Variants in ARID3A observed in about 807,000 individuals in gnomAD.
ARID3A encodes AT-rich interactive domain-containing protein 3A.
Under a neutral mutation model 52.7 loss-of-function variants are expected in ARID3A, and 11 were observed. The ratio of observed to expected loss-of-function variants is 0.21; its 90% confidence interval spans 0.13 to 0.35. The LOEUF is 0.35. Among genes scored for constraint, ARID3A ranks in the 10% least tolerant of loss-of-function variants. ARID3A has a pLI of 1.00. For missense variants in ARID3A, 721 were observed against 838.5 expected, an observed-to-expected ratio of 0.86 and a Z score of 1.73; for synonymous variants, 404 against 359.4, an observed-to-expected ratio of 1.12 and a Z score of -1.40.
chr19:929,363 G>GGGGCCCCC lies in ARID3A; in HGVS notation c.-166_-165insGGGCCCCC. 1 of 259,262 alleles carries GGGGCCCCC rather than the reference G, an allele frequency of 3.9e-6. No individual in the cohort carries two copies. Among genetic ancestry groups the GGGGCCCCC allele is most frequent in the Non-Finnish European group, 6.6e-6 (1 of 151,228 alleles). 16.1% of individuals were successfully genotyped at this position (259,262 alleles called of 1,614,324 possible). A position where few individuals can be genotyped will look rare whatever the true frequency, so the allele number is the denominator to read the frequency against. On this transcript the variant is annotated 5_prime_UTR_variant, in exon 2 of 9. Coordinates refer to ENST00000263620, the MANE Select transcript of ARID3A (RefSeq NM_005224.3). The surrounding 1 kb of genome is among the most constrained non-coding windows in gnomAD (Gnocchi z 6.2). The stretch of plus-strand genomic sequence containing the variant: ...ATCAGCCTTCAGCTTGAGCCCGGCG[G>GGGGCCCCC]CCCCCGCCCCCGCCCCCTGCCACCC...
At position 938,838 on chromosome 19, in the gene ARID3A, G is replaced by A. The variant is rs1244366856; in HGVS notation, c.693+6096G>A. ...GTGAAGCGAGACCCCAGCAAGAAAC[G>A]GGCATCCGGTTTTTGGTCTTTTTTT... On this transcript the variant is annotated intron_variant, in intron 3 of 8. Coordinates refer to ENST00000263620, the MANE Select transcript of ARID3A (RefSeq NM_005224.3). This position sits in a 1 kb window ranked among gnomAD's most constrained non-coding sequence, Gnocchi z 4.0. Among the ~76,000 whole-genome samples, 1 of 152,134 alleles carries A rather than the reference G, an allele frequency of 6.6e-6. No individual in the cohort carries two copies. The highest frequency in any genetic ancestry group is 2.4e-5 in the African/African-American group (1 of 41,430).
At position 970,563 on chromosome 19, in the gene ARID3A, A is replaced by C. The variant is rs113658909; in HGVS notation, c.1595-1315A>C. 3.8e-5 allele frequency among the ~76,000 whole-genome samples: 5 copies of C among 132,320 alleles called. No individual in the cohort carries two copies. In the East Asian group the frequency reaches 1.1e-3, roughly 29 times the overall value. 86.8% of individuals were successfully genotyped at this position (132,320 alleles called of 152,430 possible). A position where few individuals can be genotyped will look rare whatever the true frequency, so the allele number is the denominator to read the frequency against. ...CACTCTGTTGCCCAGGCTGGAGTGC[A>C]ATGGCATGATCTCAGCTCCTGCAAC... On this transcript the variant is annotated intron_variant, in intron 8 of 8. Transcript: ENST00000263620.
intron 3 of ARID3A, among the ~76,000 whole-genome samples, chr19:940,415 G>T (rs1356451126): frequency 3.9e-5 from 6 of 152,042 alleles, no homozygotes; most frequent in Non-Finnish European, 2.9e-5. Flanking sequence ...AGCAGGAGGG[G>T]TGGGCAGAGC....
Position 959,187 on chromosome 19 carries a change from G to A in ARID3A, c.694-905G>A, listed in dbSNP as rs1404893638. On this transcript the variant is annotated intron_variant, in intron 3 of 8. Coordinates refer to ENST00000263620, the MANE Select transcript of ARID3A (RefSeq NM_005224.3). The surrounding 1 kb of genome is among the most constrained non-coding windows in gnomAD (Gnocchi z 5.0). ...CTGGAGCGACGCGGCCACAAGCCCA[G>A]GAACCTGGAGCCCCCAGAAGCCGTG... Among the ~76,000 whole-genome samples the A allele has an allele frequency of 6.6e-6, 1 of 152,220 alleles. No homozygotes were observed. Among genetic ancestry groups the A allele is most frequent in the African/African-American group, 2.4e-5 (1 of 41,458 alleles).
chr19:972,133 A>G lies in ARID3A; in HGVS notation c.*68A>G, dbSNP rs1201969971. On this transcript the variant is annotated 3_prime_UTR_variant, in exon 9 of 9. Coordinates refer to ENST00000263620, the MANE Select transcript of ARID3A (RefSeq NM_005224.3). ...CCTGGGCAGGGGGTCCAGGTGGGCC[A>G]CACAGGGGCCAGGATGGCGGAAGAT... The G allele has an allele frequency of 1.4e-6, 2 of 1,418,582 alleles. No homozygotes were observed. Among genetic ancestry groups the G allele is most frequent in the African/African-American group, 3.0e-5 (2 of 65,604 alleles). The allele number at this position is 1,418,582 out of a possible 1,614,324, so 87.9% of individuals were successfully genotyped here.
At chr19:937,117 A>C (rs2037452776) in intron 3 of ARID3A, among the ~76,000 whole-genome samples, 1 of 151,952 alleles carries the variant, frequency 6.6e-6, no homozygotes, top group South Asian at 2.1e-4. Flanking sequence ...AAAATACAAA[A>C]ATTAGCTGGG....
Position 964,851 on chromosome 19 carries a change from C to T in ARID3A, c.969C>T (p.Tyr323=). The change falls in exon 6 of 9, where the codon TAC becomes TAT. Residue 323 remains tyrosine (Y), a synonymous_variant. Coordinates refer to ENST00000263620, the MANE Select transcript of ARID3A (RefSeq NM_005224.3). The surrounding 1 kb of genome is among the most constrained non-coding windows in gnomAD (Gnocchi z 5.7). ...TLRTQYMKYL[Y]PYECEKRGLS... The stretch of plus-strand genomic sequence containing the variant: ...CCCACAGATACATGAAGTACCTGTA[C>T]CCCTACGAGTGTGAGAAGCGGGGCC... The T allele has an allele frequency of 6.2e-7, 1 of 1,613,922 alleles. No individual in the cohort carries two copies. Among genetic ancestry groups the T allele is most frequent in the Non-Finnish European group, 8.5e-7 (1 of 1,179,944 alleles).
rs1285284844 is a variant in ARID3A at position 947,792 on chromosome 19, G to C, written c.694-12300G>C. Among the ~76,000 whole-genome samples, 1 of 152,210 alleles carries C rather than the reference G, an allele frequency of 6.6e-6. No individual in the cohort carries two copies. Among genetic ancestry groups the C allele is most frequent in the African/African-American group, 2.4e-5 (1 of 41,458 alleles). ...CTGTGTATTTCCAGAGAGGGGACTCGGGGCCCATCAGGGCCGGGGGAGTGG... is the reference window on the plus strand; with the variant it reads ...CTGTGTATTTCCAGAGAGGGGACTCCGGGCCCATCAGGGCCGGGGGAGTGG... On this transcript the variant is annotated intron_variant, in intron 3 of 8. Transcript: ENST00000263620. This position sits in a 1 kb window ranked among gnomAD's most constrained non-coding sequence, Gnocchi z 6.3.
chr19:967,440 C>T (rs1178970975), intron 7 of ARID3A, among the ~76,000 whole-genome samples: 3 of 151,498 alleles, frequency 2.0e-5, no homozygotes, highest in Admixed American at 6.6e-5. Context: ...GCTCCTGTAG[C>T]CCCAGCTACT....
chr19:961,131 C>G (rs1213933952), intron 4 of ARID3A, among the ~76,000 whole-genome samples: 1 of 152,176 alleles, frequency 6.6e-6, no homozygotes, highest in Non-Finnish European at 1.5e-5. Flanking sequence ...ACTGTTCAGA[C>G]GGGGGAGGAG....
At chr19:925,990 C>G (rs2037187297), upstream of ARID3A, 1 of 150,670 alleles carries the variant, frequency 6.6e-6, no homozygotes, top group Non-Finnish European at 1.5e-5. Flanking sequence ...GGGGCGGGGG[C>G]CGGCCGCGCG....
rs117436531 is a variant in ARID3A, at chr19:940,147, G to A, written c.693+7405G>A. Among the ~76,000 whole-genome samples, 1,388 of 152,234 alleles carry A rather than the reference G, an allele frequency of 9.1e-3. 18 individuals carry two copies. The highest frequency in any genetic ancestry group is 0.028 in the South Asian group (137 of 4,824). Reference sequence around the variant, plus strand: ...GAGTTTGTTAGCGAGCCACAGCAGGGCAGGGCCTGCCTCTGGGATCACTGT... The same window carrying A: ...GAGTTTGTTAGCGAGCCACAGCAGGACAGGGCCTGCCTCTGGGATCACTGT... On this transcript the variant is annotated intron_variant, in intron 3 of 8. Transcript: ENST00000263620.
chr19:971,810 T>G (rs896123844), intron 8 of ARID3A, 68 bp from the exon 9 acceptor site: 43 of 1,511,612 alleles, frequency 2.8e-5, no homozygotes, highest in Non-Finnish European at 2.4e-5. Context: ...CCCCATTGGG[T>G]CTCCCTTGTG....
Position 974,588 on chromosome 19 carries a change from C to T in ARID3A, c.*2523C>T. 4.3e-6 allele frequency: 1 copy of T among 230,414 alleles called. No individual in the cohort carries two copies. The highest frequency in any genetic ancestry group is 8.6e-6 in the Non-Finnish European group (1 of 116,308). 14.3% of individuals were successfully genotyped at this position (230,414 alleles called of 1,614,324 possible). ...CCCTGGGGTGCCTCTCCCCCGCCTC[C>T]CGTGCACCAGGGTCTGCAGCAGCCA... On this transcript the variant is annotated 3_prime_UTR_variant, in exon 9 of 9. Coordinates refer to ENST00000263620, the MANE Select transcript of ARID3A (RefSeq NM_005224.3).
intron 3 of ARID3A, among the ~76,000 whole-genome samples, chr19:934,446 C>T (rs1000786438): frequency 3.3e-5 from 5 of 152,178 alleles, no homozygotes; most frequent in South Asian, 2.1e-4. Flanking sequence ...CTTGTCTGGG[C>T]GACACCGCGG....
chr19:966,626 C>T lies in ARID3A; in HGVS notation c.1253C>T (p.Ala418Val), dbSNP rs751888436. 62 of 1,595,330 alleles carry T rather than the reference C, an allele frequency of 3.9e-5. No individual in the cohort carries two copies. The highest frequency in any genetic ancestry group is 8.5e-5 in the Admixed American group (5 of 59,000). The change falls in exon 7 of 9, where the codon GCG becomes GTG. Residue 418 changes from alanine to valine, a missense_variant. Ala to Val is a moderately conservative substitution (Grantham distance 64). Coordinates refer to ENST00000263620, the MANE Select transcript of ARID3A (RefSeq NM_005224.3). The part of the protein sequence containing the change: ...TVPGRLPVSL[A>V]GHPVVAAQAA... ...CCTGGCCGCCTGCCTGTGTCCCTGG[C>T]GGGCCACCCTGTGGTGGCAGCCCAG... is the stretch of plus-strand genomic sequence containing the variant.
At chr19:954,701 T>C (rs349311) in intron 3 of ARID3A, among the ~76,000 whole-genome samples, 129,665 of 152,058 alleles carry the variant, frequency 0.85, 55,637 homozygotes, top group Middle Eastern at 0.94. Context: ...ATATCGGTCC[T>C]GGGAGGACGG....
chr19:973,627 C>A lies in ARID3A; in HGVS notation c.*1562C>A. 4.4e-6 allele frequency: 1 copy of A among 224,876 alleles called. No individual in the cohort carries two copies. Among genetic ancestry groups the A allele is most frequent in the Non-Finnish European group, 8.9e-6 (1 of 112,740 alleles). 13.9% of individuals were successfully genotyped at this position (224,876 alleles called of 1,614,324 possible). A position where few individuals can be genotyped will look rare whatever the true frequency, so the allele number is the denominator to read the frequency against. On this transcript the variant is annotated 3_prime_UTR_variant, in exon 9 of 9. Transcript: ENST00000263620. ...CTCACTCAGGGTGAGGATTTCAGGGCCCCGGCATCCTGAACACCCCCCACA... is the reference window on the plus strand; with the variant it reads ...CTCACTCAGGGTGAGGATTTCAGGGACCCGGCATCCTGAACACCCCCCACA...
chr19:953,485 G>T (rs975343132), intron 3 of ARID3A, among the ~76,000 whole-genome samples: 1 of 145,450 alleles, frequency 6.9e-6, no homozygotes. Flanking sequence ...ACCCCCCCCC[G>T]TGCAGAGCCG....
Sources: allele counts gnomAD v4.1 joint callset (sites outside exome capture counted in the v4.1 genomes callset), GRCh38; gene constraint gnomAD v4.1.1; non-coding constraint Gnocchi (gnomAD v3.1); transcripts MANE v1.5; gene names NCBI Gene and HGNC (gene_info 2026-07-23, HGNC 2026-07-21).